Variants in YDJC observed in about 807,000 individuals in gnomAD.
YDJC encodes carbohydrate deacetylase.
YDJC carries 23 observed loss-of-function variants against 18.9 expected under a neutral mutation model. The observed-to-expected ratio is 1.22, with a 90% CI of 0.87 to 1.72. The LOEUF (loss-of-function observed/expected upper bound fraction) is 1.72. YDJC is among the 40% of genes most tolerant of loss of function. The probability of loss-of-function intolerance (pLI) is 0.00; values close to 1 mark genes in which losing one functional copy is unlikely to be tolerated. For missense variants in YDJC, 467 were observed against 470.8 expected, an observed-to-expected ratio of 0.99 and a Z score of 0.07; for synonymous variants, 224 against 217.6, an observed-to-expected ratio of 1.03 and a Z score of -0.26.
chr22:21,629,639 C>T lies in YDJC; in HGVS notation c.287G>A (p.Arg96Gln). The change falls in exon 2 of 5, where the codon CGG (arginine) becomes CAG (glutamine). Residue 96 changes from arginine to glutamine, a missense_variant. By Grantham distance (43) the Arg-to-Gln change is conservative. Coordinates refer to ENST00000292778, the MANE Select transcript of YDJC (RefSeq NM_001017964.2). The stretch of plus-strand genomic sequence containing the variant: ...CACGTCTCCGGCCGCCACCGCCTCC[C>T]GGAATCCCATCTTGCCAAGGAAGAA... Reference protein sequence around the residue: ...EGFFLGKMGFREAVAAGDVDL... With the variant: ...EGFFLGKMGFQEAVAAGDVDL... 6.2e-7 allele frequency: 1 copy of T among 1,612,538 alleles called. No individual in the cohort carries two copies. The highest frequency in any genetic ancestry group is 8.5e-7 in the Non-Finnish European group (1 of 1,179,916).
rs200217423 is a variant in YDJC, at chr22:21,629,617, G to A, written c.309C>T (p.Asp103=). 2.2e-3 allele frequency: 3,577 copies of A among 1,612,434 alleles called. 4 individuals carry two copies. The highest frequency in any genetic ancestry group is 2.6e-3 in the Non-Finnish European group (3,072 of 1,179,910). The change falls in exon 2 of 5, where the codon GAC becomes GAT. Residue 103 remains aspartate (D), a synonymous_variant. Transcript: ENST00000292778. The stretch of plus-strand genomic sequence containing the variant: ...GGCTCCGCACCTGAGGCAAATCCAC[G>A]TCTCCGGCCGCCACCGCCTCCCGGA... The part of the protein sequence containing the change: ...MGFREAVAAG[D]VDLPQVREEL...
Position 21,629,290 on chromosome 22 carries a change from G to A in YDJC, c.424+18C>T, listed in dbSNP as rs573308847. ...CCTGGGAGTAACGCCCTCCAAACTG[G>A]GATCACTAACCACGCACCTGGGAGC... On this transcript the variant is annotated intron_variant, in intron 3 of 4. Transcript: ENST00000292778. The A allele has an allele frequency of 3.2e-6, 5 of 1,550,476 alleles. No individual in the cohort carries two copies. Among genetic ancestry groups the A allele is most frequent in the Admixed American group, 3.9e-5 (2 of 51,002 alleles).
Position 21,629,908 on chromosome 22 carries a change from C to T in YDJC, c.107G>A (p.Ser36Asn). ...CGCACCGTTGACCAGCAGGGACACG[C>T]TGGTCACAGCCCCGGCCAGAAAGGC... Reference protein sequence around the residue: ...VEAFLAGAVTSVSLLVNGAAT... With the variant: ...VEAFLAGAVTNVSLLVNGAAT... The change falls in exon 1 of 5, where the codon AGC (serine) becomes AAC (asparagine). Residue 36 changes from serine (S) to asparagine (N), a missense_variant. Coordinates refer to ENST00000292778, the MANE Select transcript of YDJC (RefSeq NM_001017964.2). 6.3e-7 allele frequency: 1 copy of T among 1,598,386 alleles called. No homozygotes were observed. The highest frequency in any genetic ancestry group is 1.1e-5 in the South Asian group (1 of 89,302).
At chr22:21,629,483 T>G (rs771823172) in intron 2 of YDJC, 76 bp from the exon 3 acceptor site, 3 of 1,550,156 alleles carry the variant, frequency 1.9e-6, no homozygotes, top group Non-Finnish European at 2.6e-6. Context: ...TTCCGTGTGA[T>G]GGCTCCAGTG....
In YDJC at chr22:21,628,263, G is replaced by A; in HGVS notation, c.*155C>T. On this transcript the variant is annotated 3_prime_UTR_variant, in exon 5 of 5. Coordinates refer to ENST00000292778, the MANE Select transcript of YDJC (RefSeq NM_001017964.2). The stretch of plus-strand genomic sequence containing the variant: ...GCTGCTCAAACTCTAGATGCCATTT[G>A]GAGGCATGAGGACCTGAGCCCAGAG... 3 of 1,064,606 alleles carry A rather than the reference G, an allele frequency of 2.8e-6. No individual in the cohort carries two copies. The highest frequency in any genetic ancestry group is 6.2e-4 in the Middle Eastern group (2 of 3,226). 65.9% of individuals were successfully genotyped at this position (1,064,606 alleles called of 1,614,324 possible).
chr22:21,629,352 G>C lies in YDJC; in HGVS notation c.380C>G (p.Ala127Gly). Reference protein sequence around the residue: ...LSCFRELLGRAPTHADGHQHV... With the variant: ...LSCFRELLGRGPTHADGHQHV... ...CTGGTGCCCGTCCGCGTGCGTGGGG[G>C]CCCTGCCCAGCAGCTCCCGGAAGCA... is the stretch of plus-strand genomic sequence containing the variant. The change falls in exon 3 of 5, where the codon GCC (alanine) becomes GGC (glycine). Residue 127 changes from alanine to glycine, a missense_variant. Ala to Gly is a moderately conservative substitution (Grantham distance 60, BLOSUM62 0). Coordinates refer to ENST00000292778, the MANE Select transcript of YDJC (RefSeq NM_001017964.2). 9.0e-6 allele frequency: 14 copies of C among 1,550,202 alleles called. No homozygotes were observed. Among genetic ancestry groups the C allele is most frequent in the Non-Finnish European group, 1.2e-5 (14 of 1,146,906 alleles).
Position 21,628,174 on chromosome 22 carries a change from G to T in YDJC, c.*244C>A. 1 of 405,048 alleles carries T rather than the reference G, an allele frequency of 2.5e-6. No individual in the cohort carries two copies. Among genetic ancestry groups the T allele is most frequent in the Non-Finnish European group, 4.3e-6 (1 of 233,448 alleles). The allele number at this position is 405,048 out of a possible 1,614,324, so 25.1% of individuals were successfully genotyped here. A position where few individuals can be genotyped will look rare whatever the true frequency, so the allele number is the denominator to read the frequency against. ...AGGTGTTTGCATTGCAACATGGAGGGGCACCAAATGCTCTGCGGGCCCTAG... is the reference window on the plus strand; with the variant it reads ...AGGTGTTTGCATTGCAACATGGAGGTGCACCAAATGCTCTGCGGGCCCTAG... On this transcript the variant is annotated 3_prime_UTR_variant, in exon 5 of 5. Coordinates refer to ENST00000292778, the MANE Select transcript of YDJC (RefSeq NM_001017964.2).
chr22:21,628,543 G>A lies in YDJC; in HGVS notation c.847C>T (p.Arg283Trp), dbSNP rs1435123452. 4.3e-6 allele frequency: 7 copies of A among 1,611,570 alleles called. No individual in the cohort carries two copies. In the African/African-American group the frequency reaches 9.3e-5, roughly 22 times the overall value. The change falls in exon 5 of 5, where the codon CGG (arginine) becomes TGG (tryptophan). Residue 283 changes from arginine (R) to tryptophan (W), a missense_variant. Physicochemically the swap from Arg to Trp is moderately radical, Grantham distance 101 (BLOSUM62 -3). Transcript: ENST00000292778. ...ACGCCATCCTGGGCAAGCTGGGCCC[G>A]CAGCGTGGGCGCGGTGAGGACGCGC... ...ELRVLTAPTL[R>W]AQLAQDGVQL...
Position 21,629,081 on chromosome 22 carries a change from CG to C in YDJC, c.530del (p.Ala177GlyfsTer33). The C allele has an allele frequency of 6.5e-7, 1 of 1,534,806 alleles. No homozygotes were observed. Among genetic ancestry groups the C allele is most frequent in the Non-Finnish European group, 8.7e-7 (1 of 1,145,472 alleles). ...VGGCTWLEAP[A>X]RAFACAVERD... ...GCTCCACGGCGCAGGCGAAGGCACGCGCGGGGGCCTCCAGCCAAGTGCAGCC... is the reference window on the plus strand; with the variant it reads ...GCTCCACGGCGCAGGCGAAGGCACGCCGGGGGCCTCCAGCCAAGTGCAGCC... On this transcript the variant is annotated frameshift_variant, in exon 4 of 5. Coordinates refer to ENST00000292778, the MANE Select transcript of YDJC (RefSeq NM_001017964.2). LOFTEE classifies it high-confidence loss of function.
rs1930437457 is a variant in YDJC, at chr22:21,629,988, C to A, written c.27G>T (p.Val9=). MSRPRMRL[V]VTADDFGYCP... ...AGTAACCAAAGTCGTCCGCGGTGAC[C>A]ACCAGGCGCATGCGAGGGCGGGACA... Residue 9 remains valine (V), a synonymous_variant, in exon 1 of 5, where the codon GTG becomes GTT. Transcript: ENST00000292778. The A allele has an allele frequency of 2.5e-6, 4 of 1,600,392 alleles. No individual in the cohort carries two copies. Among genetic ancestry groups the A allele is most frequent in the Non-Finnish European group, 3.4e-6 (4 of 1,177,226 alleles).
Position 21,629,056 on chromosome 22 carries a change from G to T in YDJC, c.556C>A (p.Arg186Ser). 1 of 1,519,014 alleles carries T rather than the reference G, an allele frequency of 6.6e-7. No individual in the cohort carries two copies. 94.1% of individuals were successfully genotyped at this position (1,519,014 alleles called of 1,614,324 possible). A position where few individuals can be genotyped will look rare whatever the true frequency, so the allele number is the denominator to read the frequency against. ...GGGCCCACGGCGGCCCGGGCGTCGC[G>T]CTCCACGGCGCAGGCGAAGGCACGC... The part of the protein sequence containing the change: ...PARAFACAVE[R>S]DARAAVGPFS... The change falls in exon 4 of 5, where the codon CGC (arginine) becomes AGC (serine). Residue 186 changes from arginine (R) to serine (S), a missense_variant. By Grantham distance (110) the Arg-to-Ser change is moderately radical (BLOSUM62 -1). Transcript: ENST00000292778.
rs907010926 is a variant in YDJC at position 21,628,615 on chromosome 22, C to T, written c.775G>A (p.Glu259Lys). Residue 259 changes from glutamate (E) to lysine (K), a missense_variant, in exon 5 of 5, where the codon GAA becomes AAA. Coordinates refer to ENST00000292778, the MANE Select transcript of YDJC (RefSeq NM_001017964.2). ...GAGCAAGAGAAAGCGTCGGGGCCTTCACCGCAGCCGCCGGTGGGAGGCACA... is the reference window on the plus strand; with the variant it reads ...GAGCAAGAGAAAGCGTCGGGGCCTTTACCGCAGCCGCCGGTGGGAGGCACA... ...PSVPPTGGCG[E>K]GPDAFSCSWE... 1.3e-6 allele frequency: 2 copies of T among 1,596,018 alleles called. No homozygotes were observed. The highest frequency in any genetic ancestry group is 1.7e-6 in the Non-Finnish European group (2 of 1,172,014).
intron 2 of YDJC, 93 bp from the exon 3 acceptor site, chr22:21,629,500 T>A: frequency 6.4e-7 from 1 of 1,569,784 alleles, no homozygotes; most frequent in Non-Finnish European, 8.6e-7. Flanking sequence ...AGTGTTTGAA[T>A]GCGGAAGTCA....
At position 21,629,666 on chromosome 22, in the gene YDJC, C is replaced by A; in HGVS notation, c.260G>T (p.Gly87Val). 1 of 1,611,624 alleles carries A rather than the reference C, an allele frequency of 6.2e-7. No individual in the cohort carries two copies. Among genetic ancestry groups the A allele is most frequent in the Non-Finnish European group, 8.5e-7 (1 of 1,179,662 alleles). ...RGASSLLGPE[G>V]FFLGKMGFRE... ...GAATCCCATCTTGCCAAGGAAGAAG[C>A]CTTCCGGGCCGAGCAGCGATGAGGC... The change falls in exon 2 of 5, where the codon GGC becomes GTC. Residue 87 changes from glycine to valine, a missense_variant. Coordinates refer to ENST00000292778, the MANE Select transcript of YDJC (RefSeq NM_001017964.2).
At position 21,629,635 on chromosome 22, in the gene YDJC, C is replaced by T. The variant is rs757599568; in HGVS notation, c.291G>A (p.Glu97=). 1.9e-6 allele frequency: 3 copies of T among 1,612,488 alleles called. No individual in the cohort carries two copies. In the African/African-American group the frequency reaches 4.0e-5, roughly 22 times the overall value. Residue 97 remains glutamate, a synonymous_variant, in exon 2 of 5, where the codon GAG becomes GAA. Transcript: ENST00000292778. ...AATCCACGTCTCCGGCCGCCACCGCCTCCCGGAATCCCATCTTGCCAAGGA... is the reference window on the plus strand; with the variant it reads ...AATCCACGTCTCCGGCCGCCACCGCTTCCCGGAATCCCATCTTGCCAAGGA... The part of the protein sequence containing the change: ...GFFLGKMGFR[E]AVAAGDVDLP...
chr22:21,628,688 C>A lies in YDJC; in HGVS notation c.702G>T (p.Ala234=). The change falls in exon 5 of 5, where the codon GCG becomes GCT. Residue 234 remains alanine (A), a synonymous_variant. Transcript: ENST00000292778. ...ALARVLEGTL[A]GHTLTAELMA... ...TCAGCTCGGCTGTCAGGGTGTGGCC[C>A]GCTAGGGTACCTTCCAGGACCCGCG... 1 of 1,553,762 alleles carries A rather than the reference C, an allele frequency of 6.4e-7. No homozygotes were observed. Among genetic ancestry groups the A allele is most frequent in the Non-Finnish European group, 8.7e-7 (1 of 1,152,582 alleles).
Position 21,628,653 on chromosome 22 carries a change from G to T in YDJC, c.737C>A (p.Pro246His). The stretch of plus-strand genomic sequence containing the variant: ...GGTGGGAGGCACACTGGGGTAGCCG[G>T]GGTGCGCCATCAGCTCGGCTGTCAG... ...HTLTAELMAH[P>H]GYPSVPPTGG... Residue 246 changes from proline to histidine, a missense_variant, in exon 5 of 5, where the codon CCC becomes CAC. Transcript: ENST00000292778. The T allele has an allele frequency of 6.3e-7, 1 of 1,580,936 alleles. No homozygotes were observed. The highest frequency in any genetic ancestry group is 8.6e-7 in the Non-Finnish European group (1 of 1,165,386).
rs755223970 is a variant in YDJC at position 21,629,898 on chromosome 22, CAGGGACACGCTG to C, written c.105_116del (p.Ser36_Leu39del). 2.4e-5 allele frequency: 38 copies of C among 1,594,782 alleles called. No individual in the cohort carries two copies. The Admixed American group carries it at 4.9e-4, about 21-fold the overall frequency. ...TCTCCGTGGCCGCACCGTTGACCAGCAGGGACACGCTGGTCACAGCCCCGGCCAGAAAGGCCT... is the reference window on the plus strand; with the variant it reads ...TCTCCGTGGCCGCACCGTTGACCAGCGTCACAGCCCCGGCCAGAAAGGCCT... On this transcript the variant is annotated inframe_deletion, in exon 1 of 5. Transcript: ENST00000292778.
At chr22:21,629,547 C>G in intron 2 of YDJC, 55 bp downstream of exon 2, 3 of 1,610,310 alleles carry the variant, frequency 1.9e-6, no homozygotes, top group Non-Finnish European at 2.5e-6. Flanking sequence ...CAGTACCCTC[C>G]GGGCGGAGCT....
Sources: allele counts gnomAD v4.1 joint callset, GRCh38; gene constraint gnomAD v4.1.1; transcripts MANE v1.5; gene names NCBI Gene and HGNC (gene_info 2026-07-23, HGNC 2026-07-21).